The following ANKRD62 variants were observed in gnomAD, a reference collection of about 807,000 sequenced individuals.
ANKRD62 encodes ankyrin repeat domain 62.
Under a neutral mutation model 98.8 loss-of-function variants are expected in ANKRD62, and 61 were observed. The ratio of observed to expected loss-of-function variants is 0.62; its 90% confidence interval spans 0.50 to 0.76. ANKRD62 has a LOEUF of 0.76. Ranked by LOEUF, ANKRD62 falls within the 30% of genes least tolerant of loss-of-function variation. The pLI is 0.00. For missense variants in ANKRD62, 933 were observed against 1,082.9 expected (o/e 0.86, Z 1.94); for synonymous variants, 341 against 367.9 (o/e 0.93, Z 0.84).
chr18:12,114,374 A>T (rs1385606723), intron 8 of ANKRD62, among the ~76,000 whole-genome samples: 1 of 152,364 alleles, frequency 6.6e-6, no homozygotes, highest in Non-Finnish European at 1.5e-5. Context: ...GAAAGATAAT[A>T]TGAATTCATC....
chr18:12,101,552 C>A (rs1431133053), intron 6 of ANKRD62, among the ~76,000 whole-genome samples: 3 of 152,138 alleles, frequency 2.0e-5, no homozygotes, highest in African/African-American at 7.2e-5. Context: ...GGGAAGTTTT[C>A]AAAAACTGAA....
rs2143935969 is a variant in ANKRD62, at chr18:12,127,804, G to A, written c.2619G>A (p.Leu873=). ...ATGATGCCCTGAACAAACAATTGCT[G>A]TTAGAAGCTATGCTAGAGATTTCAT... is the stretch of plus-strand genomic sequence containing the variant. ...EVDDALNKQL[L]LEAMLEISSE... is the part of the protein sequence containing the mutation. Residue 873 remains leucine (L), a synonymous_variant, in exon 14 of 14, where the codon CTG becomes CTA. Transcript: ENST00000587848. The A allele has an allele frequency of 6.6e-7, 1 of 1,508,294 alleles. No individual in the cohort carries two copies. The allele number at this position is 1,508,294 out of a possible 1,614,324, so 93.4% of individuals were successfully genotyped here.
In ANKRD62 at chr18:12,096,306, C is replaced by G. The variant is rs756049270; in HGVS notation, c.614+4C>G. 4.7e-6 allele frequency: 7 copies of G among 1,489,286 alleles called. No individual in the cohort carries two copies. 92.3% of individuals were successfully genotyped at this position (1,489,286 alleles called of 1,614,324 possible). On this transcript the variant is annotated splice_donor_region_variant and intron_variant, in intron 4 of 13. Coordinates refer to ENST00000587848, the MANE Select transcript of ANKRD62 (RefSeq NM_001277333.2). ...CTGCAATAGATAATTTTGGAAGGTA[C>G]AGTAGTTCTTTTTTTGTTCATTTTT... is the stretch of plus-strand genomic sequence containing the variant.
At chr18:12,171,546 A>G in the ANKRD62 span, among the ~76,000 whole-genome samples, 1 of 152,258 alleles carries the variant, frequency 6.6e-6, no homozygotes, top group East Asian at 1.9e-4. Context: ...GGTCAACCCA[A>G]CCTTTCTCTC....
At chr18:12,127,226 G>A (rs1172179147) in intron 13 of ANKRD62, among the ~76,000 whole-genome samples, 2 of 152,196 alleles carry the variant, frequency 1.3e-5, no homozygotes, top group African/African-American at 2.4e-5. Flanking sequence ...GGTAGGAACG[G>A]TGGGAGTAGG....
rs537681034 is a variant in ANKRD62 at position 12,097,842 on chromosome 18, T to G, written c.752+65T>G. 17 of 1,497,506 alleles carry G rather than the reference T, an allele frequency of 1.1e-5. No individual in the cohort carries two copies. The South Asian group carries it at 2.1e-4, about 18-fold the overall frequency. 92.8% of individuals were successfully genotyped at this position (1,497,506 alleles called of 1,614,324 possible). A position where few individuals can be genotyped will look rare whatever the true frequency, so the allele number is the denominator to read the frequency against. On this transcript the variant is annotated intron_variant, in intron 5 of 13. Transcript: ENST00000587848. Reference sequence around the variant, plus strand: ...TAAAGTCATTGTAACCATTGCATCTTATATATCAAGTGAGATTTCATAGTT... The same window carrying G: ...TAAAGTCATTGTAACCATTGCATCTGATATATCAAGTGAGATTTCATAGTT...
At chr18:12,177,651 G>A in the ANKRD62 span, among the ~76,000 whole-genome samples, 8 of 151,872 alleles carry the variant, frequency 5.3e-5, no homozygotes, top group South Asian at 2.1e-4. Flanking sequence ...ACTTTGGCGG[G>A]TTGTTCTCTT....
the ANKRD62 span, among the ~76,000 whole-genome samples, chr18:12,138,551 G>A: frequency 1.3e-5 from 2 of 152,186 alleles, no homozygotes; most frequent in Non-Finnish European, 1.5e-5. Context: ...TTCTGTAGAT[G>A]TCTATTAGGT....
the ANKRD62 span, among the ~76,000 whole-genome samples, chr18:12,165,731 A>G: frequency 6.6e-6 from 1 of 152,068 alleles, no homozygotes; most frequent in South Asian, 2.1e-4. Context: ...TGTGTTTACT[A>G]TTAGCAGTGA....
In ANKRD62 at chr18:12,125,766, C is replaced by T; in HGVS notation, c.1945C>T (p.Leu649=). 1 of 1,548,038 alleles carries T rather than the reference C, an allele frequency of 6.5e-7. No individual in the cohort carries two copies. Among genetic ancestry groups the T allele is most frequent in the Non-Finnish European group, 8.7e-7 (1 of 1,146,990 alleles). The change falls in exon 13 of 14, where the codon CTG becomes TTG. Residue 649 remains leucine, a synonymous_variant. Coordinates refer to ENST00000587848, the MANE Select transcript of ANKRD62 (RefSeq NM_001277333.2). ...GAAGGAAAAACAAAGCATGTCAAGA[C>T]TGGAAACAGAAATGGAATCATACCG... is the stretch of plus-strand genomic sequence containing the variant. ...LQKEKQSMSR[L]ETEMESYRCR...
intron 8 of ANKRD62, among the ~76,000 whole-genome samples, chr18:12,110,776 C>T (rs563794543): frequency 2.0e-5 from 3 of 152,288 alleles, no homozygotes; most frequent in Admixed American, 6.5e-5. Context: ...TATTTGACCC[C>T]ATGGAGAACT....
intron 10 of ANKRD62, among the ~76,000 whole-genome samples, chr18:12,116,136 A>G (rs1909659499): frequency 6.6e-6 from 1 of 152,216 alleles, no homozygotes; most frequent in Admixed American, 6.5e-5. Context: ...TAAAGTGTAT[A>G]GTTTGATAAG....
chr18:12,097,493 G>A, intron 4 of ANKRD62, 147 bp from the exon 5 acceptor site: 1 of 865,094 alleles, frequency 1.2e-6, no homozygotes, highest in South Asian at 2.2e-5. Flanking sequence ...ATGAACCCTT[G>A]AGCACCCAAG....
At chr18:12,140,117 C>T in the ANKRD62 span, among the ~76,000 whole-genome samples, 1 of 152,110 alleles carries the variant, frequency 6.6e-6, no homozygotes, top group Non-Finnish European at 1.5e-5. Context: ...TCACTGATAC[C>T]CTTTCTTCCA....
the ANKRD62 span, among the ~76,000 whole-genome samples, chr18:12,135,569 G>A: frequency 3.3e-5 from 5 of 151,312 alleles, no homozygotes; most frequent in Non-Finnish European, 1.5e-5. Flanking sequence ...GTAATGGGAT[G>A]GCTGGGTCAA....
At chr18:12,114,581 G>C (rs955462738) in intron 8 of ANKRD62, among the ~76,000 whole-genome samples, 16 of 152,032 alleles carry the variant, frequency 1.1e-4, no homozygotes, top group African/African-American at 3.9e-4. Context: ...TTACAGAATT[G>C]CTGGGAGGAT....
rs1205060092 is a variant in ANKRD62 at position 12,117,019 on chromosome 18, CAT to C, written c.1240+1488_1240+1489del. 6.6e-5 allele frequency among the ~76,000 whole-genome samples: 10 copies of C among 152,244 alleles called. No individual in the cohort carries two copies. The South Asian group carries it at 2.1e-3, about 32-fold the overall frequency. ...TTCAGTTTTTGATGTAGTTGTAAATCATATGCTTAAAAATTTAGTCTGATTGT... is the reference window on the plus strand; with the variant it reads ...TTCAGTTTTTGATGTAGTTGTAAATCATGCTTAAAAATTTAGTCTGATTGT... On this transcript the variant is annotated intron_variant, in intron 10 of 13. Transcript: ENST00000587848.
chr18:12,176,056 G>A, the ANKRD62 span, among the ~76,000 whole-genome samples: 1 of 151,580 alleles, frequency 6.6e-6, no homozygotes, highest in African/African-American at 2.4e-5. Context: ...GCCGGGCATG[G>A]TGGCGCATGC....
the ANKRD62 span, among the ~76,000 whole-genome samples, chr18:12,151,255 G>T: frequency 6.6e-6 from 1 of 152,172 alleles, no homozygotes; most frequent in Non-Finnish European, 1.5e-5. Context: ...GAATATGTAT[G>T]CATCCAGCAC....
Sources: gnomAD v4.1 joint callset for allele counts (sites outside exome capture counted in the v4.1 genomes callset) on GRCh38, gnomAD v4.1.1 for gene constraint, MANE v1.5 for transcripts, NCBI Gene and HGNC (gene_info 2026-07-23, HGNC 2026-07-21) for gene names.